GNA14: variants seen among roughly 807,000 people sequenced by gnomAD.
GNA14 encodes the protein G protein subunit alpha 14.
A neutral mutation model predicts 42.0 loss-of-function variants in GNA14; 50 were observed. The ratio of observed to expected loss-of-function variants is 1.19; its 90% CI spans 0.95 to 1.51. GNA14 has a LOEUF of 1.51. Among genes scored for constraint, GNA14 ranks in the 40% most tolerant of loss-of-function variants. GNA14 has a pLI of 0.00. For synonymous variants in GNA14, 173 were observed against 163.1 expected (o/e 1.06, Z -0.46); for missense variants, 473 against 446.2 (o/e 1.06, Z -0.54).
chr9:77,429,155 G>A (rs1835505267), intron 4 of GNA14, 119 bp from the exon 5 acceptor site: 1 of 912,764 alleles, frequency 1.1e-6, no homozygotes, highest in Non-Finnish European at 1.7e-6. Context: ...TTCTAAGAGA[G>A]AAAAGAGGTT....
At chr9:77,548,664 G>A (rs1053099312) in intron 1 of GNA14, among the ~76,000 whole-genome samples, 2 of 152,144 alleles carry the variant, frequency 1.3e-5, no homozygotes, top group East Asian at 1.9e-4. Context: ...TGTCTTACCC[G>A]CCATCCAGTG....
chr9:77,500,124 G>A (rs1455372753), intron 2 of GNA14, among the ~76,000 whole-genome samples: 7 of 151,766 alleles, frequency 4.6e-5, no homozygotes, highest in African/African-American at 1.7e-4. Flanking sequence ...CTGGGTTCAA[G>A]CAATTCTCGT....
At chr9:77,508,401 A>G (rs745330185) in intron 2 of GNA14, among the ~76,000 whole-genome samples, 5 of 152,182 alleles carry the variant, frequency 3.3e-5, no homozygotes, top group Non-Finnish European at 7.4e-5. Flanking sequence ...GAAGAGAAAT[A>G]TGGACTGTGA....
chr9:77,486,118 A>G (rs960568392), intron 2 of GNA14, among the ~76,000 whole-genome samples: 6 of 152,188 alleles, frequency 3.9e-5, no homozygotes, highest in African/African-American at 1.4e-4. Flanking sequence ...TCTATATTGA[A>G]AATCTGTGGT....
chr9:77,436,405 G>A lies in GNA14; in HGVS notation c.310-1883C>T, dbSNP rs530201320. 5.4e-4 allele frequency among the ~76,000 whole-genome samples: 83 copies of A among 152,340 alleles called. 1 individual carries two copies. Among genetic ancestry groups the A allele is most frequent in the African/African-American group, 1.8e-3 (76 of 41,576 alleles). ...ATAAAGTGTTACTTATATGTAAGTA[G>A]AATTAGCCTTTACTATTGTAGCAGA... On this transcript the variant is annotated intron_variant, in intron 2 of 6. Coordinates refer to ENST00000341700, the MANE Select transcript of GNA14 (RefSeq NM_004297.4).
chr9:77,430,199 C>CAAAG (rs1459011111), intron 4 of GNA14, among the ~76,000 whole-genome samples: 1 of 152,138 alleles, frequency 6.6e-6, no homozygotes, highest in African/African-American at 2.4e-5. Flanking sequence ...GCCTCAATTT[C>CAAAG]AAAGATCGGA....
chr9:77,466,553 C>T lies in GNA14; in HGVS notation c.310-32031G>A, dbSNP rs184554537. Among the ~76,000 whole-genome samples, 20 of 152,180 alleles carry T rather than the reference C, an allele frequency of 1.3e-4. 1 individual carries two copies. Among genetic ancestry groups the T allele is most frequent in the Admixed American group, 3.9e-4 (6 of 15,278 alleles). On this transcript the variant is annotated intron_variant, in intron 2 of 6. Transcript: ENST00000341700. ...TTTTCTTTAGTTCTTTGAATATATT[C>T]ATAATAGCTGCTTTGAAGTTTTTGT...
chr9:77,632,037 C>T (rs35901767), intron 1 of GNA14, among the ~76,000 whole-genome samples: 33,947 of 152,010 alleles, frequency 0.22, 4,405 homozygotes, highest in African/African-American at 0.34. Context: ...TGCTGGCCAC[C>T]GCTGCAGCTG....
intron 1 of GNA14, among the ~76,000 whole-genome samples, chr9:77,548,000 TG>T (rs1837740992): frequency 6.6e-6 from 1 of 152,180 alleles, no homozygotes; most frequent in Non-Finnish European, 1.5e-5. Context: ...AGGTCGGAGA[TG>T]GGAATCATAA....
intron 5 of GNA14, 42 bp from the exon 6 acceptor site, chr9:77,425,757 A>G (rs1421009026): frequency 6.8e-7 from 1 of 1,474,350 alleles, no homozygotes; most frequent in Admixed American, 2.0e-5. Context: ...TAGAAAGGAA[A>G]TATTTTGGAA....
chr9:77,515,895 G>C (rs958095730), intron 2 of GNA14, among the ~76,000 whole-genome samples: 3 of 144,108 alleles, frequency 2.1e-5, no homozygotes, highest in African/African-American at 7.9e-5. Flanking sequence ...GGGAGGTCGA[G>C]GTTGCAGTGA....
intron 1 of GNA14, among the ~76,000 whole-genome samples, chr9:77,534,110 G>A (rs566809753): frequency 3.9e-5 from 6 of 152,250 alleles, no homozygotes; most frequent in African/African-American, 9.6e-5. Flanking sequence ...TATTTGCCAC[G>A]ATCAAACTAA....
At chr9:77,574,047 G>C (rs1216042581) in intron 1 of GNA14, among the ~76,000 whole-genome samples, 1 of 152,162 alleles carries the variant, frequency 6.6e-6, no homozygotes, top group African/African-American at 2.4e-5. Context: ...CCATGCATCT[G>C]TAATTCCAGT....
chr9:77,514,400 T>C (rs1021746309), intron 2 of GNA14, among the ~76,000 whole-genome samples: 6 of 152,060 alleles, frequency 3.9e-5, no homozygotes, highest in Non-Finnish European at 5.9e-5. Context: ...TGACTTCACG[T>C]TTATTGAGCC....
intron 2 of GNA14, among the ~76,000 whole-genome samples, chr9:77,467,535 C>G (rs1435647018): frequency 1.3e-5 from 2 of 150,532 alleles, no homozygotes; most frequent in African/African-American, 4.9e-5. Flanking sequence ...GAGCTACCAG[C>G]CCCCACCCCT....
intron 2 of GNA14, among the ~76,000 whole-genome samples, chr9:77,515,196 TG>T (rs1254802246): frequency 1.3e-5 from 2 of 152,206 alleles, no homozygotes; most frequent in African/African-American, 4.8e-5. Context: ...TTTGGCAAAC[TG>T]GCCTGCATCT....
chr9:77,490,711 C>A (rs543107928), intron 2 of GNA14, among the ~76,000 whole-genome samples: 26 of 152,356 alleles, frequency 1.7e-4, no homozygotes, highest in African/African-American at 6.3e-4. Context: ...CACCCGGAAC[C>A]CCAGCTGGCC....
At chr9:77,534,538 A>G (rs1837570760) in intron 1 of GNA14, among the ~76,000 whole-genome samples, 1 of 152,240 alleles carries the variant, frequency 6.6e-6, no homozygotes, top group Admixed American at 6.5e-5. Context: ...AGGAAGCACC[A>G]TCTCCCAATT....
chr9:77,474,409 C>T (rs1246791869), intron 2 of GNA14, among the ~76,000 whole-genome samples: 1 of 87,436 alleles, frequency 1.1e-5, no homozygotes, highest in Non-Finnish European at 2.2e-5. Context: ...CATGACAAGC[C>T]TCATTATCCA....
Sources: gnomAD v4.1 joint callset for allele counts (sites outside exome capture counted in the v4.1 genomes callset) on GRCh38, gnomAD v4.1.1 for gene constraint, MANE v1.5 for transcripts, NCBI Gene and HGNC (gene_info 2026-07-23, HGNC 2026-07-21) for gene names.